Variants in HHIP observed in about 807,000 individuals in gnomAD.
HHIP encodes hedgehog interacting protein.
In HHIP, 12 loss-of-function variants were observed where a neutral mutation model predicts 74.0. The ratio of observed to expected loss-of-function variants is 0.16; its 90% CI spans 0.10 to 0.26. HHIP has a LOEUF of 0.26. Ranked by LOEUF, HHIP falls within the 10% of genes least tolerant of loss-of-function variation. HHIP has a pLI of 1.00. For missense variants in HHIP, 788 were observed against 845.0 expected (o/e 0.93, Z 0.84); for synonymous variants, 309 against 311.6 (o/e 0.99, Z 0.09).
At chr4:144,661,019 G>A (rs1478482045) in intron 4 of HHIP, among the ~76,000 whole-genome samples, 2 of 152,156 alleles carry the variant, frequency 1.3e-5, no homozygotes, top group Non-Finnish European at 2.9e-5. Flanking sequence ...GAGTAAAAAT[G>A]TTGGTATTAA....
At chr4:144,726,919 C>T (rs2126681128) in intron 11 of HHIP, among the ~76,000 whole-genome samples, 1 of 152,292 alleles carries the variant, frequency 6.6e-6, no homozygotes, top group East Asian at 1.9e-4. Flanking sequence ...TTTCTAATCT[C>T]TCCTGAAGCG....
Position 144,740,448 on chromosome 4 carries a change from A to T in HHIP, c.*2491A>T, listed in dbSNP as rs1731234921. 1 of 152,198 alleles carries T rather than the reference A, an allele frequency of 6.6e-6. No homozygotes were observed. The highest frequency in any genetic ancestry group is 6.5e-5 in the Admixed American group (1 of 15,280). 9.4% of individuals were successfully genotyped at this position (152,198 alleles called of 1,614,324 possible). ...GAAAGGCCAAGTTCTTCTCAAGAGA[A>T]GATAGCAAGATCCACGGATATTAAG... On this transcript the variant is annotated 3_prime_UTR_variant, in exon 13 of 13. Transcript: ENST00000296575.
chr4:144,703,080 T>A (rs1578710090), intron 4 of HHIP, among the ~76,000 whole-genome samples: 1 of 151,940 alleles, frequency 6.6e-6, no homozygotes, highest in African/African-American at 2.4e-5. Flanking sequence ...CTGGGCATGG[T>A]GCAAGTGCCT....
intron 11 of HHIP, among the ~76,000 whole-genome samples, chr4:144,724,648 TTGTG>T (rs10565498): frequency 1.8e-4 from 25 of 142,448 alleles, no homozygotes; most frequent in African/African-American, 4.9e-4. Context: ...CAGTCTTCTT[TTGTG>T]TGTGTGTGTG....
At chr4:144,691,183 A>G (rs1729652165) in intron 4 of HHIP, among the ~76,000 whole-genome samples, 1 of 152,150 alleles carries the variant, frequency 6.6e-6, no homozygotes, top group African/African-American at 2.4e-5. Context: ...AAAAAACAAA[A>G]CTTCCTTTAT....
chr4:144,694,129 C>T (rs553393914), intron 4 of HHIP, among the ~76,000 whole-genome samples: 131 of 151,932 alleles, frequency 8.6e-4, no homozygotes, highest in Non-Finnish European at 1.4e-3. Context: ...TTTGATTCTG[C>T]TACTTGGTAA....
At chr4:144,667,073 A>C (rs996035655) in intron 4 of HHIP, among the ~76,000 whole-genome samples, 1 of 152,174 alleles carries the variant, frequency 6.6e-6, no homozygotes, top group African/African-American at 2.4e-5. Context: ...TCATAAAATG[A>C]ATTTTGGTGG....
At chr4:144,725,946 C>A (rs575965037) in intron 11 of HHIP, among the ~76,000 whole-genome samples, 1 of 152,260 alleles carries the variant, frequency 6.6e-6, no homozygotes, top group African/African-American at 2.4e-5. Context: ...GCTGGGATTA[C>A]AGACATGAGC....
At chr4:144,735,583 A>G (rs1424391675) in intron 12 of HHIP, among the ~76,000 whole-genome samples, 1 of 152,200 alleles carries the variant, frequency 6.6e-6, no homozygotes, top group Non-Finnish European at 1.5e-5. Flanking sequence ...TTAGAAACCT[A>G]GAGTTTAAAA....
At chr4:144,673,655 A>G (rs945458976) in intron 4 of HHIP, among the ~76,000 whole-genome samples, 8 of 152,200 alleles carry the variant, frequency 5.3e-5, no homozygotes, top group Admixed American at 4.6e-4. Flanking sequence ...GAGAGGATTA[A>G]AATGATAATG....
rs1191284559 is a variant in HHIP, at chr4:144,715,375, G to A, written c.1623G>A (p.Gly541=). The change falls in exon 10 of 13, where the codon GGG becomes GGA. Residue 541 remains glycine, a synonymous_variant. Coordinates refer to ENST00000296575, the MANE Select transcript of HHIP (RefSeq NM_022475.3). ...QEKPLCLGTS[G]SCRGYFSGHI... The stretch of plus-strand genomic sequence containing the variant: ...AACCACTCTGTCTCGGCACTAGTGG[G>A]TCCTGTAGAGGCTACTTTTCCGGTC... 4.3e-6 allele frequency: 7 copies of A among 1,613,312 alleles called. No homozygotes were observed. Among genetic ancestry groups the A allele is most frequent in the South Asian group, 3.3e-5 (3 of 91,074 alleles).
chr4:144,705,716 T>C (rs1167669729), intron 4 of HHIP, among the ~76,000 whole-genome samples: 1 of 152,222 alleles, frequency 6.6e-6, no homozygotes, highest in African/African-American at 2.4e-5. Flanking sequence ...CATGAAGATG[T>C]TTTAATTGTT....
chr4:144,736,136 C>CTTTTTTT (rs36088965), intron 12 of HHIP, among the ~76,000 whole-genome samples: 3 of 128,238 alleles, frequency 2.3e-5, no homozygotes, highest in Non-Finnish European at 4.8e-5. Context: ...TTTTCTGCAT[C>CTTTTTTT]TTTTTTTTTT....
intron 4 of HHIP, among the ~76,000 whole-genome samples, chr4:144,692,496 C>A (rs1729702268): frequency 1.3e-5 from 2 of 152,160 alleles, no homozygotes; most frequent in Non-Finnish European, 2.9e-5. Flanking sequence ...CCCTTTCTGG[C>A]TCCTTCTCAT....
chr4:144,719,029 A>C, intron 11 of HHIP, 73 bp downstream of exon 11: 6 of 909,882 alleles, frequency 6.6e-6, no homozygotes, highest in Non-Finnish European at 1.1e-5. Flanking sequence ...TCAATTAATG[A>C]TAGGAATGTC....
chr4:144,700,185 A>G (rs189775983), intron 4 of HHIP, among the ~76,000 whole-genome samples: 181 of 152,240 alleles, frequency 1.2e-3, no homozygotes, highest in African/African-American at 4.3e-3. Flanking sequence ...CGTTTTGAAG[A>G]ATGTTGGTTA....
At position 144,662,409 on chromosome 4, in the gene HHIP, G is replaced by A. The variant is rs1188312739; in HGVS notation, c.831+2571G>A. Among the ~76,000 whole-genome samples, 5 of 152,304 alleles carry A rather than the reference G, an allele frequency of 3.3e-5. No individual in the cohort carries two copies. The East Asian group carries it at 9.6e-4, about 29-fold the overall frequency. On this transcript the variant is annotated intron_variant, in intron 4 of 12. Transcript: ENST00000296575. Reference sequence around the variant, plus strand: ...CAAGATCGTGCTGCCTAAATTGTAGGAGATTGTAGTACCCTGGGGGCTAAA... The same window carrying A: ...CAAGATCGTGCTGCCTAAATTGTAGAAGATTGTAGTACCCTGGGGGCTAAA...
chr4:144,669,807 T>A (rs116052672), intron 4 of HHIP, among the ~76,000 whole-genome samples: 54,527 of 150,942 alleles, frequency 0.36, 11,113 homozygotes, highest in South Asian at 0.52. Context: ...GTGGTAAGAG[T>A]TTTTTCAAAC....
chr4:144,662,042 A>T (rs1448932858), intron 4 of HHIP, among the ~76,000 whole-genome samples: 2 of 152,222 alleles, frequency 1.3e-5, no homozygotes, highest in Admixed American at 6.5e-5. Flanking sequence ...TCACAATTAC[A>T]TTAATTGATG....
Sources: allele counts gnomAD v4.1 joint callset (sites outside exome capture counted in the v4.1 genomes callset), GRCh38; gene constraint gnomAD v4.1.1; transcripts MANE v1.5; gene names NCBI Gene and HGNC (gene_info 2026-07-23, HGNC 2026-07-21).